The following AMPH variants were observed in gnomAD, a reference collection of about 807,000 sequenced individuals.
AMPH encodes the protein amphiphysin (Stiff-Mann syndrome with breast cancer 128kD autoantigen).
AMPH carries 49 observed loss-of-function variants against 99.1 expected under a neutral mutation model. That is an observed-to-expected ratio of 0.49 (90% CI 0.39 to 0.63). AMPH has a LOEUF of 0.63. Ranked by LOEUF, AMPH falls within the 20% of genes least tolerant of loss-of-function variation. The pLI, the probability that AMPH is intolerant of heterozygous loss-of-function variation, is 0.00. For missense variants in AMPH, 759 were observed against 863.4 expected (o/e 0.88, Z 1.52); for synonymous variants, 314 against 317.3 (o/e 0.99, Z 0.11).
intron 1 of AMPH, among the ~76,000 whole-genome samples, chr7:38,616,522 C>T (rs1793877996): frequency 6.6e-6 from 1 of 152,060 alleles, no homozygotes; most frequent in Non-Finnish European, 1.5e-5. Flanking sequence ...GTTTTTTCTA[C>T]CAATAGACAT....
chr7:38,447,706 A>G (rs1056785030), intron 11 of AMPH, among the ~76,000 whole-genome samples: 10 of 151,950 alleles, frequency 6.6e-5, no homozygotes, highest in African/African-American at 2.4e-4. Context: ...AGTAAAACAT[A>G]TAGTCTCCAA....
intron 5 of AMPH, among the ~76,000 whole-genome samples, chr7:38,481,924 CACTCA>C (rs1024594575): frequency 2.0e-5 from 3 of 152,202 alleles, no homozygotes; most frequent in African/African-American, 7.2e-5. Flanking sequence ...ATTACATAAT[CACTCA>C]ACACTATTTT....
At chr7:38,611,046 G>C (rs1277642166) in intron 1 of AMPH, among the ~76,000 whole-genome samples, 1 of 152,156 alleles carries the variant, frequency 6.6e-6, no homozygotes, top group African/African-American at 2.4e-5. Context: ...ATTCACAATA[G>C]ACAAGAGGTG....
chr7:38,475,259 C>A (rs1217710470), intron 7 of AMPH, 72 bp downstream of exon 7: 3 of 971,970 alleles, frequency 3.1e-6, no homozygotes, highest in Non-Finnish European at 4.8e-6. Context: ...ATAATAAAGA[C>A]AAGATAAGGG....
chr7:38,422,350 A>G (rs528518937), intron 16 of AMPH, 71 bp downstream of exon 16: 1 of 1,286,520 alleles, frequency 7.8e-7, no homozygotes, highest in South Asian at 1.2e-5. Flanking sequence ...TAGACAGCCT[A>G]GAATGATCAG....
chr7:38,518,357 C>G (rs1183831896), intron 2 of AMPH, among the ~76,000 whole-genome samples: 1 of 152,148 alleles, frequency 6.6e-6, no homozygotes, highest in South Asian at 2.1e-4. Context: ...AAACATAGAA[C>G]TTGTAGGGCC....
At chr7:38,547,022 G>A (rs1322011680) in intron 1 of AMPH, among the ~76,000 whole-genome samples, 3 of 152,152 alleles carry the variant, frequency 2.0e-5, no homozygotes, top group Non-Finnish European at 4.4e-5. Context: ...GGTGGGAGGA[G>A]GGAGAGCCTG....
chr7:38,611,865 C>A (rs10278693), intron 1 of AMPH, among the ~76,000 whole-genome samples: 12,630 of 152,070 alleles, frequency 0.083, 883 homozygotes, highest in African/African-American at 0.18. Flanking sequence ...GTAATAGGAG[C>A]TAATTATTAA....
intron 1 of AMPH, among the ~76,000 whole-genome samples, chr7:38,545,727 G>A (rs1026122810): frequency 1.3e-4 from 20 of 152,220 alleles, no homozygotes; most frequent in Admixed American, 1.2e-3. Flanking sequence ...CTCAGAGTGA[G>A]GTACCACCAA....
intron 17 of AMPH, among the ~76,000 whole-genome samples, chr7:38,404,257 C>G (rs778209851): frequency 6.6e-6 from 1 of 151,960 alleles, no homozygotes; most frequent in Non-Finnish European, 1.5e-5. Context: ...CTCCTGTCAC[C>G]CTTGTCAGGG....
intron 11 of AMPH, among the ~76,000 whole-genome samples, chr7:38,438,076 T>C (rs1392781059): frequency 6.6e-6 from 1 of 152,226 alleles, no homozygotes; most frequent in Non-Finnish European, 1.5e-5. Flanking sequence ...AAGCTTTGTT[T>C]TTCCCCAACT....
At chr7:38,480,306 A>T (rs1032353743) in intron 5 of AMPH, among the ~76,000 whole-genome samples, 5 of 152,122 alleles carry the variant, frequency 3.3e-5, no homozygotes, top group African/African-American at 1.2e-4. Context: ...CAGGTGAGAC[A>T]GGGCACAAAA....
intron 2 of AMPH, among the ~76,000 whole-genome samples, chr7:38,516,531 G>A (rs951830773): frequency 2.0e-5 from 3 of 152,206 alleles, no homozygotes; most frequent in Non-Finnish European, 2.9e-5. Context: ...GGAAACACCT[G>A]GTCCAGGCAG....
chr7:38,547,240 C>T (rs1791025577), intron 1 of AMPH, among the ~76,000 whole-genome samples: 1 of 152,212 alleles, frequency 6.6e-6, no homozygotes, highest in Admixed American at 6.5e-5. Context: ...ACCCTCCCCA[C>T]AGAGAATCTA....
intron 19 of AMPH, among the ~76,000 whole-genome samples, chr7:38,390,408 C>T (rs1300787377): frequency 1.3e-5 from 2 of 152,078 alleles, no homozygotes; most frequent in African/African-American, 4.8e-5. Flanking sequence ...TTTCCTTTCC[C>T]ATTTTGAAAA....
At chr7:38,611,192 C>T (rs1053095449) in intron 1 of AMPH, among the ~76,000 whole-genome samples, 1 of 152,004 alleles carries the variant, frequency 6.6e-6, no homozygotes, top group Non-Finnish European at 1.5e-5. Flanking sequence ...TTAAGCTAAG[C>T]GAAAGAATCT....
intron 1 of AMPH, among the ~76,000 whole-genome samples, chr7:38,581,946 G>C (rs1235512798): frequency 6.6e-6 from 1 of 152,122 alleles, no homozygotes; most frequent in Non-Finnish European, 1.5e-5. Context: ...CTAAGTTTGA[G>C]ATGCTATTAG....
At chr7:38,529,026 T>C (rs1354177227) in intron 2 of AMPH, among the ~76,000 whole-genome samples, 2 of 152,084 alleles carry the variant, frequency 1.3e-5, no homozygotes, top group Non-Finnish European at 2.9e-5. Context: ...CACCAGACTA[T>C]CTTAAAAGAG....
At chr7:38,545,302 C>T (rs1561310) in intron 1 of AMPH, among the ~76,000 whole-genome samples, 139,608 of 152,226 alleles carry the variant, frequency 0.92, 64,197 homozygotes, top group East Asian at 1. Flanking sequence ...TCTTCCTGTA[C>T]AGGAAAATCT....
Sources: allele counts gnomAD v4.1 joint callset (sites outside exome capture counted in the v4.1 genomes callset), GRCh38; gene constraint gnomAD v4.1.1; transcripts MANE v1.5; gene names NCBI Gene and HGNC (gene_info 2026-07-23, HGNC 2026-07-21).